Variants in RBFOX1 observed in about 807,000 individuals in gnomAD.
RBFOX1 encodes RNA binding protein fox-1 homolog 1.
RBFOX1 carries 8 observed loss-of-function variants against 57.7 expected under a neutral mutation model. That is an observed-to-expected ratio of 0.14 (90% confidence interval 0.08 to 0.25). The LOEUF (loss-of-function observed/expected upper bound fraction) is 0.25. RBFOX1 is among the 10% of genes least tolerant of loss of function. The probability of loss-of-function intolerance (pLI) is 1.00; values close to 1 mark genes in which losing one functional copy is unlikely to be tolerated. For synonymous variants in RBFOX1, 326 were observed against 222.4 expected, an observed-to-expected ratio of 1.47 and a Z score of -4.15; for missense variants, 611 against 548.5, an observed-to-expected ratio of 1.11 and a Z score of -1.14.
chr16:6,825,694 C>A (rs952852887), intron 3 of RBFOX1, among the ~76,000 whole-genome samples: 1 of 152,076 alleles, frequency 6.6e-6, no homozygotes, highest in African/African-American at 2.4e-5. Context: ...AAGGAAAGAA[C>A]CTAGTAGCAG....
intron 1 of RBFOX1, among the ~76,000 whole-genome samples, chr16:5,310,208 C>A (rs534709907): frequency 6.6e-6 from 1 of 152,200 alleles, no homozygotes; most frequent in African/African-American, 2.4e-5. Context: ...AGACCAGCTG[C>A]CTGGCCAACA....
chr16:5,403,531 C>G (rs1158358860), intron 1 of RBFOX1, among the ~76,000 whole-genome samples: 1 of 152,078 alleles, frequency 6.6e-6, no homozygotes, highest in African/African-American at 2.4e-5. Flanking sequence ...GCAACCTCCT[C>G]TTTCTGGGGT....
chr16:6,859,859 G>A (rs1308195052), intron 3 of RBFOX1, among the ~76,000 whole-genome samples: 1 of 152,118 alleles, frequency 6.6e-6, no homozygotes, highest in Non-Finnish European at 1.5e-5. Context: ...AGTATTCAGA[G>A]CTTGCTTTTC....
At chr16:6,537,492 G>C (rs1031206233) in intron 2 of RBFOX1, among the ~76,000 whole-genome samples, 1 of 152,154 alleles carries the variant, frequency 6.6e-6, no homozygotes, top group Non-Finnish European at 1.5e-5. Flanking sequence ...GAGTTGAGGG[G>C]CTATAAGCTT....
chr16:6,988,747 GTTTGTTTT>G, intron 3 of RBFOX1, among the ~76,000 whole-genome samples: 1 of 101,444 alleles, frequency 9.9e-6, no homozygotes, highest in East Asian at 5.2e-4. Flanking sequence ...TTTTTTGTTT[GTTTGTTTT>G]TTGTTTTTTG....
chr16:6,961,903 G>C (rs527806261), intron 3 of RBFOX1, among the ~76,000 whole-genome samples: 1 of 152,138 alleles, frequency 6.6e-6, no homozygotes, highest in East Asian at 1.9e-4. Flanking sequence ...ACCACATCCT[G>C]TTTTATCAGC....
Position 5,746,032 on chromosome 16 carries a change from G to A in RBFOX1, c.319-121271G>A, listed in dbSNP as rs192030402. On this transcript the variant is annotated intron_variant, in intron 3 of 19. Coordinates refer to the RBFOX1 transcript ENST00000641259. ...CTTGCCCATGCCTGTGTCCTGAATG[G>A]TAATGCCTAGGTTTTCTTGTAGGGT... Among the ~76,000 whole-genome samples, 434 of 152,308 alleles carry A rather than the reference G, an allele frequency of 2.8e-3. 5 individuals carry two copies. Among genetic ancestry groups the A allele is most frequent in the African/African-American group, 0.01 (419 of 41,562 alleles).
chr16:6,802,802 C>T (rs978140042), intron 3 of RBFOX1, among the ~76,000 whole-genome samples: 2 of 152,154 alleles, frequency 1.3e-5, no homozygotes, highest in Admixed American at 1.3e-4. Context: ...AGTAGGCTGA[C>T]CCAAAATATT....
intron 4 of RBFOX1, among the ~76,000 whole-genome samples, chr16:7,175,494 G>C (rs4473205): frequency 0.57 from 86,402 of 151,826 alleles, 25,726 homozygotes; most frequent in African/African-American, 0.76. Context: ...TGAGACTTTC[G>C]CTGCCTGGTC....
intron 3 of RBFOX1, among the ~76,000 whole-genome samples, chr16:6,689,350 T>C (rs2059891273): frequency 6.6e-6 from 1 of 152,166 alleles, no homozygotes; most frequent in African/African-American, 2.4e-5. Context: ...TCTTAAGTCT[T>C]CACCTCCACA....
chr16:7,587,153 G>GA (rs1320686323), intron 6 of RBFOX1, 94 bp from the exon 7 acceptor site: 4 of 1,299,788 alleles, frequency 3.1e-6, no homozygotes, highest in Middle Eastern at 2.9e-4. Flanking sequence ...TATTAAAAGA[G>GA]AAAAAAATGG....
intron 3 of RBFOX1, among the ~76,000 whole-genome samples, chr16:6,858,976 T>G (rs2058399697): frequency 6.6e-6 from 1 of 151,416 alleles, no homozygotes; most frequent in Non-Finnish European, 1.5e-5. Flanking sequence ...AAAACACATG[T>G]ACACATTTTA....
At chr16:7,078,691 A>T (rs9937548) in intron 4 of RBFOX1, among the ~76,000 whole-genome samples, 85,502 of 142,546 alleles carry the variant, frequency 0.6, 26,918 homozygotes, top group East Asian at 0.88. Context: ...ATTTTATTTT[A>T]TTTTTTTTTG....
At chr16:7,582,913 AC>A (rs1281834560) in intron 6 of RBFOX1, among the ~76,000 whole-genome samples, 4 of 152,158 alleles carry the variant, frequency 2.6e-5, no homozygotes, top group Non-Finnish European at 4.4e-5. Context: ...ACTGCCTAAA[AC>A]TTGGCAGTGA....
At chr16:6,248,154 G>T (rs367635566) in intron 1 of RBFOX1, among the ~76,000 whole-genome samples, 1 of 152,028 alleles carries the variant, frequency 6.6e-6, no homozygotes, top group South Asian at 2.1e-4. Context: ...CTTAAGTTGC[G>T]CCTGTTTAGT....
At position 5,482,898 on chromosome 16, in the gene RBFOX1, A is replaced by C. The variant is rs574464304; in HGVS notation, c.258+15644A>C. Among the ~76,000 whole-genome samples the C allele has an allele frequency of 1.9e-3, 295 of 152,332 alleles. 1 individual carries two copies. The highest frequency in any genetic ancestry group is 6.8e-3 in the African/African-American group (282 of 41,580). The stretch of plus-strand genomic sequence containing the variant: ...ATTTTCAAGATCCTTAAGGCCAAAC[A>C]AAAAGAAAAGAATCCTTATTCTTTA... On this transcript the variant is annotated intron_variant, in intron 2 of 2. Transcript: ENST00000585867.
At chr16:7,522,632 C>A (rs1023798113) in intron 5 of RBFOX1, among the ~76,000 whole-genome samples, 1 of 152,144 alleles carries the variant, frequency 6.6e-6, no homozygotes, top group African/African-American at 2.4e-5. Flanking sequence ...TCAGAGAAAG[C>A]AGTTGGTAGG....
intron 3 of RBFOX1, among the ~76,000 whole-genome samples, chr16:6,813,258 C>T (rs2089213979): frequency 1.3e-5 from 2 of 152,128 alleles, no homozygotes; most frequent in African/African-American, 4.8e-5. Context: ...GATAGTATTC[C>T]AGTTCTTTCT....
intron 1 of RBFOX1, among the ~76,000 whole-genome samples, chr16:6,215,428 G>A (rs1598434418): frequency 6.7e-6 from 1 of 148,164 alleles, no homozygotes; most frequent in East Asian, 2.0e-4. Context: ...GAGAGGGAGA[G>A]GGACAGGGAG....
Sources: allele counts gnomAD v4.1 joint callset (sites outside exome capture counted in the v4.1 genomes callset), GRCh38; gene constraint gnomAD v4.1.1; transcripts MANE v1.5; gene names NCBI Gene and HGNC (gene_info 2026-07-23, HGNC 2026-07-21).